ZRANB3: variants seen among roughly 807,000 people sequenced by gnomAD.
The protein encoded by ZRANB3 is zinc finger RANBP2-type containing 3, also known as DNA annealing helicase and endonuclease ZRANB3.
ZRANB3 carries 125 observed loss-of-function variants against 133.8 expected under a neutral mutation model. That is an observed-to-expected ratio of 0.93 (90% CI 0.81 to 1.08). The LOEUF (loss-of-function observed/expected upper bound fraction) is 1.08, where lower values mean the gene tolerates loss of function less well. ZRANB3 is among the 50% of genes least tolerant of loss of function. ZRANB3 has a pLI of 0.00. For missense variants in ZRANB3, 1,229 were observed against 1,275.5 expected (o/e 0.96, Z 0.56); for synonymous variants, 387 against 432.7 (o/e 0.89, Z 1.31).
At chr2:135,417,041 C>G (rs968069323) in intron 2 of ZRANB3, among the ~76,000 whole-genome samples, 7 of 152,038 alleles carry the variant, frequency 4.6e-5, no homozygotes, top group Admixed American at 6.6e-5. Flanking sequence ...ATTCAGGACA[C>G]AGGCATGGGC....
chr2:135,302,683 G>A (rs1257654555), intron 8 of ZRANB3, among the ~76,000 whole-genome samples: 4 of 151,748 alleles, frequency 2.6e-5, no homozygotes, highest in African/African-American at 7.3e-5. Flanking sequence ...GCACCACCAC[G>A]CCCGGCTAAT....
chr2:135,408,391 T>A (rs936290914), intron 2 of ZRANB3, among the ~76,000 whole-genome samples: 1 of 152,174 alleles, frequency 6.6e-6, no homozygotes, highest in Non-Finnish European at 1.5e-5. Flanking sequence ...TGTAAACTAG[T>A]TCAGCCATTG....
At chr2:135,466,082 A>AAT (rs1194045463) in intron 2 of ZRANB3, among the ~76,000 whole-genome samples, 1 of 152,212 alleles carries the variant, frequency 6.6e-6, no homozygotes, top group Non-Finnish European at 1.5e-5. Flanking sequence ...TGAAAAACAC[A>AAT]ATATATGAAG....
chr2:135,324,327 C>A (rs1488961016), intron 6 of ZRANB3, among the ~76,000 whole-genome samples: 4 of 149,948 alleles, frequency 2.7e-5, no homozygotes, highest in African/African-American at 9.8e-5. Flanking sequence ...TGAGAATATG[C>A]GATGTTTGGT....
At chr2:135,300,488 TTC>T (rs1249407286) in intron 8 of ZRANB3, among the ~76,000 whole-genome samples, 1 of 152,170 alleles carries the variant, frequency 6.6e-6, no homozygotes, top group Non-Finnish European at 1.5e-5. Context: ...CAAAGAAAAT[TTC>T]TACTATCTAA....
At chr2:135,434,736 GAAGAT>G (rs918894081) in intron 2 of ZRANB3, among the ~76,000 whole-genome samples, 15 of 152,298 alleles carry the variant, frequency 9.8e-5, no homozygotes, top group Admixed American at 5.2e-4. Context: ...AAACTGTTCA[GAAGAT>G]AAGACTATAA....
At chr2:135,461,991 T>A (rs1262206696) in intron 2 of ZRANB3, among the ~76,000 whole-genome samples, 1 of 152,210 alleles carries the variant, frequency 6.6e-6, no homozygotes, top group Non-Finnish European at 1.5e-5. Context: ...TTAAAAGTTT[T>A]ACAGGTGCGG....
intron 8 of ZRANB3, among the ~76,000 whole-genome samples, chr2:135,309,817 T>A (rs927952972): frequency 6.6e-6 from 1 of 152,206 alleles, no homozygotes; most frequent in Non-Finnish European, 1.5e-5. Flanking sequence ...TCCAACAAAA[T>A]TGTATACACT....
At position 135,265,893 on chromosome 2, in the gene ZRANB3, C is replaced by G. The variant is rs549359309; in HGVS notation, c.1387-207G>C. Reference sequence around the variant, plus strand: ...CCAACCAACTTAATGGATTCCTCCTCTTGGCCAAGAGCATTCTAAAGTAAA... The same window carrying G: ...CCAACCAACTTAATGGATTCCTCCTGTTGGCCAAGAGCATTCTAAAGTAAA... On this transcript the variant is annotated intron_variant, in intron 11 of 20. Transcript: ENST00000264159. Among the ~76,000 whole-genome samples, 22 of 152,298 alleles carry G rather than the reference C, an allele frequency of 1.4e-4. 1 individual carries two copies. The East Asian group carries it at 3.7e-3, about 25-fold the overall frequency.
At chr2:135,451,405 T>C (rs1690261226) in intron 2 of ZRANB3, among the ~76,000 whole-genome samples, 1 of 151,646 alleles carries the variant, frequency 6.6e-6, no homozygotes, top group African/African-American at 2.4e-5. Flanking sequence ...CTACTAAAAA[T>C]ACAAAACTTA....
At chr2:135,353,705 T>A (rs1228028520) in intron 3 of ZRANB3, 77 bp from the exon 4 acceptor site, 1 of 1,050,116 alleles carries the variant, frequency 9.5e-7, no homozygotes, top group Non-Finnish European at 1.3e-6. Flanking sequence ...AACATTTTAT[T>A]TAAGAGTATT....
intron 2 of ZRANB3, among the ~76,000 whole-genome samples, chr2:135,481,937 G>A (rs1374549668): frequency 1.0e-4 from 14 of 139,172 alleles, no homozygotes; most frequent in Admixed American, 4.2e-4. Context: ...GATATGCGGC[G>A]TTATTTCTGA....
chr2:135,325,635 T>C (rs1351379134), intron 6 of ZRANB3, among the ~76,000 whole-genome samples: 1 of 152,156 alleles, frequency 6.6e-6, no homozygotes, highest in South Asian at 2.1e-4. Flanking sequence ...GACCTCATGA[T>C]TCACCCACCT....
intron 8 of ZRANB3, among the ~76,000 whole-genome samples, chr2:135,287,629 C>T (rs562234553): frequency 2.1e-5 from 3 of 143,902 alleles, no homozygotes; most frequent in Non-Finnish European, 3.0e-5. Context: ...TAGTTTTCCT[C>T]GTAGAGGTCT....
chr2:135,530,130 G>A (rs554556097), intron 1 of ZRANB3, among the ~76,000 whole-genome samples: 2 of 150,608 alleles, frequency 1.3e-5, no homozygotes, highest in Non-Finnish European at 3.0e-5. Context: ...CGGAGGCTGA[G>A]ACAGGAGAAT....
chr2:135,257,282 C>G (rs1354531105), intron 12 of ZRANB3, among the ~76,000 whole-genome samples: 1 of 152,236 alleles, frequency 6.6e-6, no homozygotes, highest in Admixed American at 6.5e-5. Context: ...CTCTTGAGGT[C>G]TGGATCGAGA....
At chr2:135,414,998 A>G (rs1688490609) in intron 2 of ZRANB3, among the ~76,000 whole-genome samples, 1 of 151,974 alleles carries the variant, frequency 6.6e-6, no homozygotes, top group Non-Finnish European at 1.5e-5. Context: ...CACAAGAGAA[A>G]GCAGGAAAGA....
intron 12 of ZRANB3, among the ~76,000 whole-genome samples, chr2:135,239,498 G>A (rs1483645221): frequency 2.0e-5 from 3 of 151,786 alleles, no homozygotes; most frequent in Non-Finnish European, 4.4e-5. Context: ...TGTTATCATA[G>A]GGAAAAAGCT....
intron 3 of ZRANB3, among the ~76,000 whole-genome samples, chr2:135,370,033 C>CTT (rs548070677): frequency 2.5e-5 from 3 of 119,356 alleles, no homozygotes; most frequent in Admixed American, 8.3e-5. Context: ...GGGCATGTTT[C>CTT]TTTTTTTTTT....
Sources: gnomAD v4.1 joint callset for allele counts (sites outside exome capture counted in the v4.1 genomes callset) on GRCh38, gnomAD v4.1.1 for gene constraint, MANE v1.5 for transcripts, NCBI Gene and HGNC (gene_info 2026-07-23, HGNC 2026-07-21) for gene names.